The following ZDHHC14 variants were observed in gnomAD, a reference collection of about 807,000 sequenced individuals.
ZDHHC14 encodes the protein zDHHC palmitoyltransferase 14.
In ZDHHC14, 16 loss-of-function variants were observed where a neutral mutation model predicts 47.7. The observed-to-expected ratio is 0.34, with a 90% CI of 0.23 to 0.51. The LOEUF (loss-of-function observed/expected upper bound fraction) is 0.51, where lower values mean the gene tolerates loss of function less well. Among genes scored for constraint, ZDHHC14 ranks in the 20% least tolerant of loss-of-function variants. ZDHHC14 has a pLI of 0.97. For missense variants in ZDHHC14, 515 were observed against 662.5 expected (o/e 0.78, Z 2.44); for synonymous variants, 293 against 278.9 (o/e 1.05, Z -0.50).
chr6:157,416,983 T>G (rs1394386109), intron 1 of ZDHHC14, among the ~76,000 whole-genome samples: 2 of 131,982 alleles, frequency 1.5e-5, no homozygotes, highest in Non-Finnish European at 3.2e-5. Flanking sequence ...TTTTTTTTTT[T>G]TTTTTTTTTT....
intron 7 of ZDHHC14, among the ~76,000 whole-genome samples, chr6:157,648,910 T>A (rs1437479393): frequency 1.3e-5 from 2 of 152,230 alleles, no homozygotes; most frequent in Non-Finnish European, 2.9e-5. Context: ...GCAGTGCGTG[T>A]GTGGGTCTAA....
intron 2 of ZDHHC14, among the ~76,000 whole-genome samples, chr6:157,591,279 T>G (rs1472105452): frequency 6.6e-6 from 1 of 152,140 alleles, no homozygotes; most frequent in Non-Finnish European, 1.5e-5. Context: ...CAGAATGATA[T>G]GGTTTGGCTG....
chr6:157,651,533 C>G (rs996672736), intron 7 of ZDHHC14, among the ~76,000 whole-genome samples: 17 of 151,838 alleles, frequency 1.1e-4, no homozygotes, highest in Non-Finnish European at 2.5e-4. Flanking sequence ...GACTTCATAT[C>G]TTTCTGCACA....
At position 157,668,994 on chromosome 6, in the gene ZDHHC14, C is replaced by G. The variant is rs971967482; in HGVS notation, c.1069-3730C>G. 2.0e-5 allele frequency among the ~76,000 whole-genome samples: 3 copies of G among 152,148 alleles called. No individual in the cohort carries two copies. The South Asian group carries it at 6.2e-4, about 31-fold the overall frequency. ...GAAAAAACAAACAATATGCAGAGAACGAGGCCTTGGAAAGAGGCTGTGTAA... is the reference window on the plus strand; with the variant it reads ...GAAAAAACAAACAATATGCAGAGAAGGAGGCCTTGGAAAGAGGCTGTGTAA... On this transcript the variant is annotated intron_variant, in intron 8 of 8. Transcript: ENST00000359775.
intron 1 of ZDHHC14, among the ~76,000 whole-genome samples, chr6:157,487,889 C>T (rs567992890): frequency 6.6e-6 from 1 of 152,194 alleles, no homozygotes; most frequent in Non-Finnish European, 1.5e-5. Flanking sequence ...TTCTCCAGCC[C>T]CTTCCAGGTC....
At chr6:157,658,608 G>A (rs970361709) in intron 8 of ZDHHC14, among the ~76,000 whole-genome samples, 2 of 152,182 alleles carry the variant, frequency 1.3e-5, no homozygotes, top group African/African-American at 4.8e-5. Flanking sequence ...CTTGAGAGTA[G>A]GAGTGTGTGT....
At chr6:157,546,894 A>G (rs960669298) in intron 2 of ZDHHC14, among the ~76,000 whole-genome samples, 3 of 152,144 alleles carry the variant, frequency 2.0e-5, no homozygotes, top group African/African-American at 7.2e-5. Flanking sequence ...GAGACTAAGG[A>G]AGTCAATGCG....
At chr6:157,648,129 A>G (rs1777649548) in intron 7 of ZDHHC14, among the ~76,000 whole-genome samples, 1 of 152,256 alleles carries the variant, frequency 6.6e-6, no homozygotes, top group Non-Finnish European at 1.5e-5. Flanking sequence ...AGAGTGTACA[A>G]GTTCAAAATA....
intron 1 of ZDHHC14, among the ~76,000 whole-genome samples, chr6:157,511,863 C>A (rs1182968321): frequency 6.6e-6 from 1 of 152,074 alleles, no homozygotes; most frequent in Non-Finnish European, 1.5e-5. Context: ...TAGCACTTAG[C>A]ACAATGTCAT....
intron 1 of ZDHHC14, among the ~76,000 whole-genome samples, chr6:157,531,657 C>T (rs1038277973): frequency 4.0e-5 from 6 of 151,890 alleles, no homozygotes; most frequent in Admixed American, 3.9e-4. Context: ...GATCTTCCTG[C>T]TTTCCTAGCA....
intron 2 of ZDHHC14, among the ~76,000 whole-genome samples, chr6:157,583,308 A>G (rs1783579034): frequency 6.6e-6 from 1 of 152,188 alleles, no homozygotes; most frequent in Non-Finnish European, 1.5e-5. Flanking sequence ...TTGAGTTGCC[A>G]GAGTTCTTGG....
At chr6:157,639,843 TTCTG>T (rs1243120963) in intron 5 of ZDHHC14, among the ~76,000 whole-genome samples, 1 of 152,042 alleles carries the variant, frequency 6.6e-6, no homozygotes, top group Non-Finnish European at 1.5e-5. Context: ...CCGTGGTGAG[TTCTG>T]TCTAAGATAT....
At chr6:157,569,768 T>A (rs1783030990) in intron 2 of ZDHHC14, among the ~76,000 whole-genome samples, 2 of 152,184 alleles carry the variant, frequency 1.3e-5, no homozygotes, top group South Asian at 4.1e-4. Flanking sequence ...TGTTTTTTTC[T>A]TCACACGGAA....
In ZDHHC14 at chr6:157,677,383, T is replaced by C. The variant is rs920949252; in HGVS notation, c.*4261T>C. 2.0e-5 allele frequency: 3 copies of C among 152,140 alleles called. No homozygotes were observed. Among genetic ancestry groups the C allele is most frequent in the African/African-American group, 7.2e-5 (3 of 41,434 alleles). The allele number at this position is 152,140 out of a possible 1,614,324, so 9.4% of individuals were successfully genotyped here. A position where few individuals can be genotyped will look rare whatever the true frequency, so the allele number is the denominator to read the frequency against. ...AATAAATGTCAAAGATGGTAATAGT[T>C]TGTAAATCAGTAAATCCTCTGTCCA... On this transcript the variant is annotated 3_prime_UTR_variant, in exon 9 of 9. Transcript: ENST00000359775.
At chr6:157,606,151 G>A (rs551835013) in intron 3 of ZDHHC14, among the ~76,000 whole-genome samples, 3 of 152,208 alleles carry the variant, frequency 2.0e-5, no homozygotes, top group East Asian at 1.9e-4. Flanking sequence ...TCCCCTTCAC[G>A]GTTCCCATGA....
At chr6:157,414,761 C>G (rs775260214) in intron 1 of ZDHHC14, among the ~76,000 whole-genome samples, 2 of 149,176 alleles carry the variant, frequency 1.3e-5, no homozygotes, top group African/African-American at 2.5e-5. Context: ...GACAGACTTA[C>G]GAAATTCCTT....
intron 2 of ZDHHC14, among the ~76,000 whole-genome samples, chr6:157,542,971 G>A (rs1010156016): frequency 3.3e-5 from 5 of 152,200 alleles, no homozygotes; most frequent in African/African-American, 4.8e-5. Flanking sequence ...AGGCCCACTC[G>A]AGCAAAGCAT....
chr6:157,600,012 A>G (rs1486984986), intron 3 of ZDHHC14, among the ~76,000 whole-genome samples: 3 of 152,234 alleles, frequency 2.0e-5, no homozygotes, highest in Non-Finnish European at 2.9e-5. Flanking sequence ...GGAATTGATT[A>G]CTAGCCATGA....
intron 2 of ZDHHC14, among the ~76,000 whole-genome samples, chr6:157,583,928 G>A (rs1783600341): frequency 3.4e-5 from 5 of 146,612 alleles, no homozygotes; most frequent in African/African-American, 1.3e-4. Flanking sequence ...GGATGGGGCA[G>A]CTGTGCTGTG....
Sources: gnomAD v4.1 joint callset for allele counts (sites outside exome capture counted in the v4.1 genomes callset) on GRCh38, gnomAD v4.1.1 for gene constraint, MANE v1.5 for transcripts, NCBI Gene and HGNC (gene_info 2026-07-23, HGNC 2026-07-21) for gene names.